Variants in PFAS observed in about 807,000 individuals in gnomAD.
The protein encoded by PFAS is phosphoribosylformylglycinamidine synthase.
Under a neutral mutation model 140.6 loss-of-function variants are expected in PFAS, and 97 were observed. The ratio of observed to expected loss-of-function variants is 0.69; its 90% CI spans 0.59 to 0.82. PFAS has a LOEUF of 0.82. PFAS is among the 40% of genes least tolerant of loss of function. The pLI, the probability that PFAS is intolerant of heterozygous loss-of-function variation, is 0.00. For synonymous variants in PFAS, 679 were observed against 718.8 expected (o/e 0.94, Z 0.88); for missense variants, 1,656 against 1,780.2 (o/e 0.93, Z 1.26).
intron 9 of PFAS, 51 bp from the exon 10 acceptor site, chr17:8,257,756 C>A: frequency 6.2e-7 from 1 of 1,604,806 alleles, no homozygotes; most frequent in Non-Finnish European, 8.5e-7. Flanking sequence ...CTGCTCCGGC[C>A]TGTCTTCACA....
Position 8,264,611 on chromosome 17 carries a change from G to A in PFAS, c.2049+10G>A, listed in dbSNP as rs1403504252. 1 of 1,596,124 alleles carries A rather than the reference G, an allele frequency of 6.3e-7. No individual in the cohort carries two copies. The highest frequency in any genetic ancestry group is 8.5e-7 in the Non-Finnish European group (1 of 1,171,472). ...CTACCTCACCAATAAGGTCCTCCCT[G>A]CACCCTTCCTCTGCCCCCTGCCTCC... is the stretch of plus-strand genomic sequence containing the variant. On this transcript the variant is annotated intron_variant, in intron 17 of 27. Transcript: ENST00000314666.
rs777219085 is a variant in PFAS, at chr17:8,264,346, G to A, written c.1917+9G>A. 1.7e-5 allele frequency: 28 copies of A among 1,613,550 alleles called. 1 individual carries two copies. The South Asian group carries it at 2.7e-4, about 16-fold the overall frequency. On this transcript the variant is annotated intron_variant, in intron 16 of 27. Coordinates refer to ENST00000314666, the MANE Select transcript of PFAS (RefSeq NM_012393.3). The stretch of plus-strand genomic sequence containing the variant: ...GCAAGATGCCTCGGAAGGTATGTGG[G>A]GTTGAGGGGATGGGTTTTTCCTGTG...
At chr17:8,261,211 A>G (rs921305266) in intron 11 of PFAS, among the ~76,000 whole-genome samples, 2 of 151,888 alleles carry the variant, frequency 1.3e-5, no homozygotes, top group Non-Finnish European at 2.9e-5. Flanking sequence ...TCTAATGACT[A>G]ATGATGTTGA....
chr17:8,268,618 C>T lies in PFAS; in HGVS notation c.3468C>T (p.Gly1156=), dbSNP rs775417577. ...FRKRPDTFSL[G]VCNGCQLLAL... ...AGCGGCCAGACACCTTCAGCCTGGGCGTGTGTAATGGCTGTCAACTGCTGG... is the reference window on the plus strand; with the variant it reads ...AGCGGCCAGACACCTTCAGCCTGGGTGTGTGTAATGGCTGTCAACTGCTGG... The change falls in exon 27 of 28, where the codon GGC becomes GGT. Residue 1156 remains glycine (G), a synonymous_variant. Transcript: ENST00000314666. 6.2e-6 allele frequency: 10 copies of T among 1,613,552 alleles called. No individual in the cohort carries two copies. Among genetic ancestry groups the T allele is most frequent in the African/African-American group, 2.7e-5 (2 of 74,892 alleles).
At chr17:8,248,226 C>G (rs1597408527), upstream of PFAS, 3 of 602,574 alleles carry the variant, frequency 5.0e-6, no homozygotes, top group East Asian at 8.4e-5. Context: ...ACTCCCGACA[C>G]CCCTGTCTCT....
chr17:8,249,499 A>G (rs1355201104), intron 1 of PFAS, 160 bp downstream of exon 1: 1 of 152,232 alleles, frequency 6.6e-6, no homozygotes, highest in Non-Finnish European at 1.5e-5. Context: ...CATTCGTCCT[A>G]TCTTGCGTGC....
In PFAS at chr17:8,268,708, G is replaced by T; in HGVS notation, c.3558G>T (p.Gln1186His). ...EDAAEMGPDSQPARPGLLLRH... is the reference protein window; with the variant it reads ...EDAAEMGPDSHPARPGLLLRH... ...CTGCAGAGATGGGCCCTGACTCCCA[G>T]CCAGCCCGGCCAGGCCTTCTGCTAC... The change falls in exon 27 of 28, where the codon CAG (glutamine) becomes CAT (histidine). Residue 1186 changes from glutamine to histidine, a missense_variant. Gln to His is a conservative substitution (Grantham distance 24). Transcript: ENST00000314666. The T allele has an allele frequency of 6.2e-7, 1 of 1,613,076 alleles. No homozygotes were observed. Among genetic ancestry groups the T allele is most frequent in the Non-Finnish European group, 8.5e-7 (1 of 1,179,900 alleles).
rs145526163 is a variant in PFAS at position 8,264,533 on chromosome 17, G to A, written c.1981G>A (p.Val661Met). 5,969 of 1,613,562 alleles carry A rather than the reference G, an allele frequency of 3.7e-3. 8 individuals carry two copies. Among genetic ancestry groups the A allele is most frequent in the Non-Finnish European group, 4.7e-3 (5,553 of 1,179,764 alleles). Reference sequence around the variant, plus strand: ...TCTGGCCTTGCCCCCAGGGCTGAGCGTGCACCAGGCTCTGGAGAGGGTTCT... The same window carrying A: ...TCTGGCCTTGCCCCCAGGGCTGAGCATGCACCAGGCTCTGGAGAGGGTTCT... Reference protein sequence around the residue: ...QPLALPPGLSVHQALERVLRL... With the variant: ...QPLALPPGLSMHQALERVLRL... The change falls in exon 17 of 28, where the codon GTG (valine) becomes ATG (methionine). Residue 661 changes from valine (V) to methionine (M), a missense_variant. Around this residue, in one of 2 missense-constraint regions of PFAS, gnomAD observed 883 missense variants for 1,023.0 expected, o/e 0.86. Transcript: ENST00000314666.
Position 8,267,485 on chromosome 17 carries a change from TG to T in PFAS, c.3267+27del, listed in dbSNP as rs1442577570. The T allele has an allele frequency of 1.2e-6, 2 of 1,607,582 alleles. No homozygotes were observed. Among genetic ancestry groups the T allele is most frequent in the South Asian group, 1.1e-5 (1 of 90,988 alleles). ...TGAGGTGAGCAGGGTAGGGGGCAGC[TG>T]GGGGTGATTGTCCAGCCTCAGCTGC... On this transcript the variant is annotated intron_variant, in intron 25 of 27. Transcript: ENST00000314666. This position sits in a 1 kb window ranked among gnomAD's most constrained non-coding sequence, Gnocchi z 4.9.
chr17:8,248,001 C>A, upstream of PFAS: 1 of 1,610,182 alleles, frequency 6.2e-7, no homozygotes, highest in Admixed American at 1.7e-5. Flanking sequence ...TAGCAGCACT[C>A]ACGGAGGAAG....
At position 8,266,819 on chromosome 17, in the gene PFAS, AGGTGCTGAAGCGTTACCGG is replaced by A. The variant is rs1467294624; in HGVS notation, c.2890_2908del (p.Val964MetfsTer25). On this transcript the variant is annotated frameshift_variant, in exon 23 of 28. Transcript: ENST00000314666. LOFTEE classifies it high-confidence loss of function. The surrounding 1 kb of genome is among the most constrained non-coding windows in gnomAD (Gnocchi z 5.0). ...GAGGTGCAGGAGCCAGACCTGGCCC[AGGTGCTGAAGCGTTACCGG>A]GATGCTGGCCTCCATTGCCTGGAGC... 1 of 1,611,990 alleles carries A rather than the reference AGGTGCTGAAGCGTTACCGG, an allele frequency of 6.2e-7. No individual in the cohort carries two copies. Among genetic ancestry groups the A allele is most frequent in the African/African-American group, 1.3e-5 (1 of 74,928 alleles).
At chr17:8,259,464 T>C (rs1989505623) in intron 11 of PFAS, among the ~76,000 whole-genome samples, 1 of 152,082 alleles carries the variant, frequency 6.6e-6, no homozygotes, top group Non-Finnish European at 1.5e-5. Context: ...ATAAGTAGAA[T>C]GAGTACATTC....
chr17:8,268,219 A>G (rs1989909432), intron 26 of PFAS, among the ~76,000 whole-genome samples: 1 of 146,584 alleles, frequency 6.8e-6, no homozygotes, highest in African/African-American at 2.5e-5. Context: ...GCAAAAATAC[A>G]AAAATTAGCC....
chr17:8,268,423 A>G, intron 26 of PFAS, 110 bp from the exon 27 acceptor site: 1 of 725,506 alleles, frequency 1.4e-6, no homozygotes, highest in Non-Finnish European at 2.3e-6. Flanking sequence ...GGAGGGAGGG[A>G]AAAGGAAGAA....
rs1231192548 is a variant in PFAS at position 8,263,815 on chromosome 17, C to T, written c.1670C>T (p.Ala557Val). The T allele has an allele frequency of 8.7e-6, 14 of 1,613,976 alleles. No individual in the cohort carries two copies. The highest frequency in any genetic ancestry group is 1.2e-5 in the Non-Finnish European group (14 of 1,180,004). ...CTGAATGCCCTGGAAATCTGGGGGG[C>T]TGAGTACCAGGAATCAAATGCTCTT... ...PTLNALEIWGAEYQESNALLL... is the reference protein window; with the variant it reads ...PTLNALEIWGVEYQESNALLL... The change falls in exon 15 of 28, where the codon GCT becomes GTT. Residue 557 changes from alanine to valine, a missense_variant. Physicochemically the swap from Ala to Val is moderately conservative, Grantham distance 64. Coordinates refer to ENST00000314666, the MANE Select transcript of PFAS (RefSeq NM_012393.3).
chr17:8,263,579 T>C lies in PFAS; in HGVS notation c.1572T>C (p.Asn524=). Residue 524 remains asparagine, a synonymous_variant, in exon 14 of 28, where the codon AAT becomes AAC. Transcript: ENST00000314666. ...TCCTTGCAACCCTCTCACCAGGCAA[T>C]GTCCTAAAAGAGCTGAGTGACCCAG... ...LHDQGAGGNG[N]VLKELSDPAG... The C allele has an allele frequency of 1.2e-6, 2 of 1,613,922 alleles. No homozygotes were observed. The highest frequency in any genetic ancestry group is 2.2e-5 in the South Asian group (2 of 91,074).
chr17:8,269,279 T>C lies in PFAS; in HGVS notation c.*15T>C. Reference sequence around the variant, plus strand: ...GGAGCTGCTGACTGGCCACAGGGGCTCACCTGGGCCCCATGGCTTTTCACC... The same window carrying C: ...GGAGCTGCTGACTGGCCACAGGGGCCCACCTGGGCCCCATGGCTTTTCACC... On this transcript the variant is annotated 3_prime_UTR_variant, in exon 28 of 28. Transcript: ENST00000314666. The C allele has an allele frequency of 6.3e-7, 1 of 1,579,526 alleles. No individual in the cohort carries two copies. The highest frequency in any genetic ancestry group is 8.6e-7 in the Non-Finnish European group (1 of 1,157,846).
rs1989803176 is a variant in PFAS, at chr17:8,266,116, TG to T, written c.2701+100del. Reference sequence around the variant, plus strand: ...GGGCAAAAGGGACTCCAATGGACGATGTACCCCAGATCCCCTGACATTCTGA... The same window carrying T: ...GGGCAAAAGGGACTCCAATGGACGATTACCCCAGATCCCCTGACATTCTGA... On this transcript the variant is annotated intron_variant, in intron 21 of 27. Transcript: ENST00000314666. The surrounding 1 kb of genome is among the most constrained non-coding windows in gnomAD (Gnocchi z 5.0). The T allele has an allele frequency of 7.2e-6, 11 of 1,538,318 alleles. No homozygotes were observed. The East Asian group carries it at 2.5e-4, about 35-fold the overall frequency.
At chr17:8,254,912 C>CA (rs1421364484) in intron 3 of PFAS, 115 bp from the exon 4 acceptor site, 1 of 715,766 alleles carries the variant, frequency 1.4e-6, no homozygotes, top group African/African-American at 1.8e-5. Flanking sequence ...GGCTGAAAGC[C>CA]AATGGTGAGG....
Sources: gnomAD v4.1 joint callset for allele counts (sites outside exome capture counted in the v4.1 genomes callset) on GRCh38, gnomAD v4.1.1 for gene constraint, gnomAD v4.1.1 regional missense constraint, Gnocchi (gnomAD v3.1) non-coding constraint, MANE v1.5 for transcripts, NCBI Gene and HGNC (gene_info 2026-07-23, HGNC 2026-07-21) for gene names.